CNOT6: variants seen among roughly 807,000 people sequenced by gnomAD.
CNOT6 encodes CCR4-NOT transcription complex subunit 6, also known as carbon catabolite repression 4 protein.
A neutral mutation model predicts 61.2 loss-of-function variants in CNOT6; 12 were observed. That is an observed-to-expected ratio of 0.20 (90% confidence interval 0.13 to 0.32). The LOEUF (loss-of-function observed/expected upper bound fraction) is 0.32, where lower values mean the gene tolerates loss of function less well. Ranked by LOEUF, CNOT6 falls within the 10% of genes least tolerant of loss-of-function variation. The pLI is 1.00. For missense variants in CNOT6, 405 were observed against 663.9 expected (o/e 0.61, Z 4.28); for synonymous variants, 225 against 240.6 (o/e 0.94, Z 0.60).
intron 3 of CNOT6, among the ~76,000 whole-genome samples, chr5:180,550,409 C>G (rs557026805): frequency 1.3e-5 from 2 of 151,988 alleles, no homozygotes; most frequent in African/African-American, 2.4e-5. Flanking sequence ...GAGATCACAC[C>G]GCTGCACTCC....
chr5:180,495,160 G>T (rs1040133801), intron 1 of CNOT6, among the ~76,000 whole-genome samples: 2 of 152,242 alleles, frequency 1.3e-5, no homozygotes, highest in Admixed American at 6.5e-5. Flanking sequence ...GCTGTGTGGA[G>T]TGTGGAGCTT....
intron 1 of CNOT6, among the ~76,000 whole-genome samples, chr5:180,507,335 C>T (rs1332042131): frequency 6.6e-6 from 1 of 152,204 alleles, no homozygotes; most frequent in Non-Finnish European, 1.5e-5. Flanking sequence ...TGTGGTGGCT[C>T]ACGCCTGTAA....
intron 2 of CNOT6, among the ~76,000 whole-genome samples, chr5:180,541,370 C>T (rs1488532222): frequency 2.7e-5 from 4 of 150,854 alleles, no homozygotes; most frequent in African/African-American, 7.3e-5. Context: ...AACTCCTGAC[C>T]TCGTGATCCA....
intron 2 of CNOT6, among the ~76,000 whole-genome samples, chr5:180,545,596 G>A (rs919226855): frequency 6.6e-6 from 1 of 151,878 alleles, no homozygotes; most frequent in Non-Finnish European, 1.5e-5. Context: ...GTATGGCTAC[G>A]CCAGCATTTG....
intron 2 of CNOT6, among the ~76,000 whole-genome samples, chr5:180,543,719 G>T (rs1446901281): frequency 6.6e-6 from 1 of 151,978 alleles, no homozygotes; most frequent in Non-Finnish European, 1.5e-5. Flanking sequence ...GAATGTGTCT[G>T]TTTCCCCCTT....
chr5:180,553,455 G>A lies in CNOT6; in HGVS notation c.369G>A (p.Gln123=), dbSNP rs1452345535. The change falls in exon 4 of 12, where the codon CAG becomes CAA. Residue 123 remains glutamine (Q), a synonymous_variant. Coordinates refer to ENST00000261951, the MANE Select transcript of CNOT6 (RefSeq NM_001370472.1). The part of the protein sequence containing the change: ...PFELGKLFQL[Q]TLGLKGNPLT... The stretch of plus-strand genomic sequence containing the variant: ...AGCTGGGAAAACTGTTTCAGTTGCA[G>A]ACTTTAGGCCTGAAAGGTATGACTT... 1.9e-6 allele frequency: 3 copies of A among 1,613,264 alleles called. No individual in the cohort carries two copies. The highest frequency in any genetic ancestry group is 1.7e-6 in the Non-Finnish European group (2 of 1,179,428).
intron 2 of CNOT6, among the ~76,000 whole-genome samples, chr5:180,545,865 G>A (rs919287520): frequency 6.6e-6 from 1 of 152,038 alleles, no homozygotes; most frequent in Non-Finnish European, 1.5e-5. Context: ...ATTCTTCTGG[G>A]TATGTAGTGC....
intron 4 of CNOT6, among the ~76,000 whole-genome samples, chr5:180,559,935 C>A (rs1760083671): frequency 6.6e-6 from 1 of 151,678 alleles, no homozygotes; most frequent in South Asian, 2.1e-4. Context: ...AATTTAGAAT[C>A]ACATTAGTTT....
chr5:180,502,114 T>C (rs72811143), intron 1 of CNOT6, among the ~76,000 whole-genome samples: 1 of 152,194 alleles, frequency 6.6e-6, no homozygotes, highest in African/African-American at 2.4e-5. Flanking sequence ...GGCACCTGTG[T>C]TAGTCACCAG....
rs1759479387 is a variant in CNOT6 at position 180,549,434 on chromosome 5, G to A, written c.113-497G>A. ...GGAGGCCAAGGCGGGCAGATCACAA[G>A]GTCAGGAGATCGAGACCATCCTTGT... is the stretch of plus-strand genomic sequence containing the variant. On this transcript the variant is annotated intron_variant, in intron 2 of 11. Coordinates refer to ENST00000261951, the MANE Select transcript of CNOT6 (RefSeq NM_001370472.1). 1.3e-5 allele frequency among the ~76,000 whole-genome samples: 2 copies of A among 152,072 alleles called. 1 individual carries two copies. The highest frequency in any genetic ancestry group is 4.1e-4 in the South Asian group (2 of 4,822).
chr5:180,550,797 CCAT>C (rs1015003952), intron 3 of CNOT6, among the ~76,000 whole-genome samples: 1 of 152,108 alleles, frequency 6.6e-6, no homozygotes, highest in African/African-American at 2.4e-5. Context: ...AACCTTTTTG[CCAT>C]CCCAGGGCTT....
chr5:180,531,820 C>CA (rs1288105236), intron 2 of CNOT6, among the ~76,000 whole-genome samples: 5 of 152,190 alleles, frequency 3.3e-5, no homozygotes, highest in African/African-American at 4.8e-5. Flanking sequence ...CCGTCTCCAC[C>CA]AAAAAATGCA....
chr5:180,521,130 C>T (rs781515774), intron 1 of CNOT6, among the ~76,000 whole-genome samples: 29 of 152,078 alleles, frequency 1.9e-4, no homozygotes, highest in Non-Finnish European at 3.2e-4. Flanking sequence ...TGAGACACCG[C>T]GCCTGGCACA....
intron 1 of CNOT6, among the ~76,000 whole-genome samples, chr5:180,501,378 G>C (rs2127690738): frequency 6.6e-6 from 1 of 152,206 alleles, no homozygotes; most frequent in Admixed American, 6.5e-5. Flanking sequence ...ATTTAACTTG[G>C]GAAACAGAAG....
chr5:180,553,416 A>G lies in CNOT6; in HGVS notation c.330A>G (p.Arg110=). 6.2e-7 allele frequency: 1 copy of G among 1,613,950 alleles called. No individual in the cohort carries two copies. The highest frequency in any genetic ancestry group is 1.1e-5 in the South Asian group (1 of 91,052). ...RELHLNNNLL[R]VLPFELGKLF... is the part of the protein sequence containing the mutation. ...TCCATTTAAATAACAACCTGTTACG[A>G]GTTCTACCTTTTGAGCTGGGAAAAC... Residue 110 remains arginine, a synonymous_variant, in exon 4 of 12, where the codon CGA becomes CGG. Transcript: ENST00000261951.
intron 1 of CNOT6, among the ~76,000 whole-genome samples, chr5:180,509,486 C>T (rs1304633890): frequency 6.6e-6 from 1 of 152,026 alleles, no homozygotes; most frequent in Non-Finnish European, 1.5e-5. Flanking sequence ...TCTTGTTGCC[C>T]AGGCTAGAGT....
chr5:180,554,141 G>A (rs2127749411), intron 4 of CNOT6, among the ~76,000 whole-genome samples: 1 of 152,236 alleles, frequency 6.6e-6, no homozygotes, highest in South Asian at 2.1e-4. Flanking sequence ...CCTTAGGCCG[G>A]GCACAGTGGC....
chr5:180,571,086 G>C (rs1426728458), intron 10 of CNOT6, 144 bp from the exon 11 acceptor site: 2 of 628,170 alleles, frequency 3.2e-6, no homozygotes, highest in Non-Finnish European at 2.8e-6. Context: ...TGTAAAAATA[G>C]ATTTGGGCAA....
At position 180,576,035 on chromosome 5, in the gene CNOT6, T is replaced by C. The variant is rs1760987738; in HGVS notation, c.*1835T>C. The C allele has an allele frequency of 6.6e-6, 1 of 152,668 alleles. No homozygotes were observed. Among genetic ancestry groups the C allele is most frequent in the Admixed American group, 6.5e-5 (1 of 15,282 alleles). 9.5% of individuals were successfully genotyped at this position (152,668 alleles called of 1,614,324 possible). Reference sequence around the variant, plus strand: ...GTGATGTTTTGGTTTTGTTTTTTGCTTTTTGTTTAAGTTGTGCTGACACCA... The same window carrying C: ...GTGATGTTTTGGTTTTGTTTTTTGCCTTTTGTTTAAGTTGTGCTGACACCA... On this transcript the variant is annotated 3_prime_UTR_variant, in exon 12 of 12. Transcript: ENST00000261951.
Sources: gnomAD v4.1 joint callset for allele counts (sites outside exome capture counted in the v4.1 genomes callset) on GRCh38, gnomAD v4.1.1 for gene constraint, MANE v1.5 for transcripts, NCBI Gene and HGNC (gene_info 2026-07-23, HGNC 2026-07-21) for gene names.